The following TAS2R1 variants were observed in gnomAD, a reference collection of about 807,000 sequenced individuals.
The protein encoded by TAS2R1 is taste 2 receptor member 1, also known as taste receptor type 2 member 1.
For missense variants in TAS2R1, 370 were observed against 353.4 expected, an observed-to-expected ratio of 1.05 and a Z score of -0.38; for synonymous variants, 141 against 134.2, an observed-to-expected ratio of 1.05 and a Z score of -0.35.
At chr5:9,699,040 C>T (rs560225174) in intron 1 of TAS2R1, among the ~76,000 whole-genome samples, 9 of 152,246 alleles carry the variant, frequency 5.9e-5, no homozygotes, top group African/African-American at 2.2e-4. Context: ...CAGTTCCTGG[C>T]TCACTCAGAG....
upstream of TAS2R1, among the ~76,000 whole-genome samples, chr5:9,633,209 C>T (rs998596908): frequency 1.3e-4 from 19 of 148,130 alleles, no homozygotes; most frequent in African/African-American, 4.0e-4. Flanking sequence ...TTTTTAAAAA[C>T]GATTTTTTTC....
chr5:9,840,739 T>C, the TAS2R1 span, among the ~76,000 whole-genome samples: 35 of 151,912 alleles, frequency 2.3e-4, no homozygotes, highest in Non-Finnish European at 4.7e-4. Flanking sequence ...AGAACTCCAT[T>C]AGAATATTTT....
the TAS2R1 span, among the ~76,000 whole-genome samples, chr5:9,823,364 A>G: frequency 6.6e-6 from 1 of 152,042 alleles, no homozygotes; most frequent in Admixed American, 6.6e-5. Context: ...TATGCTGAAT[A>G]TCTACTCATA....
the TAS2R1 span, among the ~76,000 whole-genome samples, chr5:9,888,921 G>T: frequency 2.0e-5 from 3 of 152,258 alleles, no homozygotes; most frequent in African/African-American, 7.2e-5. Context: ...TCAAAATGAG[G>T]CATATTCAGA....
At chr5:9,859,384 A>G in the TAS2R1 span, among the ~76,000 whole-genome samples, 1 of 152,232 alleles carries the variant, frequency 6.6e-6, no homozygotes, top group African/African-American at 2.4e-5. Context: ...GAACCAGGAG[A>G]GGCACTTCCA....
chr5:9,885,540 T>G, the TAS2R1 span, among the ~76,000 whole-genome samples: 1 of 152,218 alleles, frequency 6.6e-6, no homozygotes, highest in Non-Finnish European at 1.5e-5. Flanking sequence ...TTATGTGGTG[T>G]TGTTAAGCTT....
chr5:9,733,576 C>T, the TAS2R1 span, among the ~76,000 whole-genome samples: 1 of 152,180 alleles, frequency 6.6e-6, no homozygotes, highest in African/African-American at 2.4e-5. Flanking sequence ...AAACCCAAAA[C>T]ATTAGCATTT....
the TAS2R1 span, among the ~76,000 whole-genome samples, chr5:9,896,186 C>G: frequency 6.6e-6 from 1 of 152,318 alleles, no homozygotes; most frequent in Non-Finnish European, 1.5e-5. Context: ...TTCTGCCTAT[C>G]AGAGGGTGAC....
chr5:9,887,832 G>A, the TAS2R1 span, among the ~76,000 whole-genome samples: 3 of 152,208 alleles, frequency 2.0e-5, no homozygotes, highest in African/African-American at 7.2e-5. Context: ...GCGTAAGAAA[G>A]CGAGGGGTCA....
At chr5:9,777,480 T>C in the TAS2R1 span, among the ~76,000 whole-genome samples, 2 of 152,226 alleles carry the variant, frequency 1.3e-5, no homozygotes, top group African/African-American at 4.8e-5. Flanking sequence ...CCACTTCGAA[T>C]TCCAGTTCTC....
At chr5:9,706,625 G>T (rs1741618009) in intron 1 of TAS2R1, among the ~76,000 whole-genome samples, 2 of 152,346 alleles carry the variant, frequency 1.3e-5, no homozygotes, top group South Asian at 4.1e-4. Context: ...CAAAGAAGTT[G>T]AGTTGTACAG....
the TAS2R1 span, among the ~76,000 whole-genome samples, chr5:9,850,052 A>G: frequency 6.6e-6 from 1 of 152,188 alleles, no homozygotes; most frequent in African/African-American, 2.4e-5. Flanking sequence ...ATCTGACATG[A>G]AAGTCCCTCA....
chr5:9,688,644 C>T (rs1363562863), intron 1 of TAS2R1, among the ~76,000 whole-genome samples: 1 of 152,172 alleles, frequency 6.6e-6, no homozygotes, highest in Non-Finnish European at 1.5e-5. Context: ...CCGTGGCCTC[C>T]AAAGTGTCCC....
At chr5:9,632,868 C>T (rs546591807), upstream of TAS2R1, among the ~76,000 whole-genome samples, 3 of 152,102 alleles carry the variant, frequency 2.0e-5, no homozygotes, top group East Asian at 3.9e-4. Context: ...TTCTTTTACA[C>T]TCCTGTTATT....
intron 2 of TAS2R1, among the ~76,000 whole-genome samples, chr5:9,636,895 A>C (rs561099848): frequency 6.6e-6 from 1 of 152,174 alleles, no homozygotes; most frequent in African/African-American, 2.4e-5. Context: ...GGGTCTTTTA[A>C]GTGAAGCATT....
the TAS2R1 span, among the ~76,000 whole-genome samples, chr5:9,784,465 A>C: frequency 3.3e-5 from 5 of 152,238 alleles, no homozygotes; most frequent in Admixed American, 6.5e-5. Flanking sequence ...CTGGCAGAGA[A>C]CATTCAATGT....
intron 1 of TAS2R1, among the ~76,000 whole-genome samples, chr5:9,681,666 C>T (rs533602064): frequency 6.6e-6 from 1 of 152,174 alleles, no homozygotes; most frequent in East Asian, 1.9e-4. Flanking sequence ...TTGCTCCCTC[C>T]TTAGACAAGT....
the TAS2R1 span, among the ~76,000 whole-genome samples, chr5:9,762,621 G>A: frequency 6.6e-6 from 1 of 152,184 alleles, no homozygotes; most frequent in African/African-American, 2.4e-5. Flanking sequence ...AATCTGCAAT[G>A]ATCTGAATCT....
chr5:9,751,253 A>G, the TAS2R1 span, among the ~76,000 whole-genome samples: 2 of 152,112 alleles, frequency 1.3e-5, no homozygotes, highest in African/African-American at 4.8e-5. Flanking sequence ...CATAAGACCT[A>G]CAGAAATATC....
Sources: gnomAD v4.1 joint callset for allele counts (sites outside exome capture counted in the v4.1 genomes callset) on GRCh38, gnomAD v4.1.1 for gene constraint, MANE v1.5 for transcripts, NCBI Gene and HGNC (gene_info 2026-07-23, HGNC 2026-07-21) for gene names.